FBXL17: variants seen among roughly 807,000 people sequenced by gnomAD.
FBXL17 encodes F-box/LRR-repeat protein 17.
In FBXL17, 22 loss-of-function variants were observed where a neutral mutation model predicts 66.2. The observed-to-expected ratio is 0.33, with a 90% CI of 0.24 to 0.47. The LOEUF is 0.47. Among genes scored for constraint, FBXL17 ranks in the 20% least tolerant of loss-of-function variants. The pLI is 1.00. For missense variants in FBXL17, 878 were observed against 948.2 expected, an observed-to-expected ratio of 0.93 and a Z score of 0.97; for synonymous variants, 474 against 400.5, an observed-to-expected ratio of 1.18 and a Z score of -2.19.
At position 108,022,744 on chromosome 5, in the gene FBXL17, T is replaced by C. The variant is rs544270208; in HGVS notation, c.1746-1743A>G. Among the ~76,000 whole-genome samples, 5 of 152,222 alleles carry C rather than the reference T, an allele frequency of 3.3e-5. No individual in the cohort carries two copies. In the South Asian group the frequency reaches 1.0e-3, roughly 32 times the overall value. On this transcript the variant is annotated intron_variant, in intron 6 of 8. Transcript: ENST00000542267. ...AATATGCTATAAGCACATATGAACATTAAAGACATACAGATGACTACAAAT... is the reference window on the plus strand; with the variant it reads ...AATATGCTATAAGCACATATGAACACTAAAGACATACAGATGACTACAAAT...
intron 6 of FBXL17, among the ~76,000 whole-genome samples, chr5:108,135,012 A>T (rs1751079924): frequency 6.6e-6 from 1 of 152,140 alleles, no homozygotes; most frequent in Non-Finnish European, 1.5e-5. Context: ...GTTATCCCTT[A>T]TGTTCCAAAG....
chr5:108,054,079 C>T (rs530738622), intron 6 of FBXL17, among the ~76,000 whole-genome samples: 5 of 151,946 alleles, frequency 3.3e-5, no homozygotes, highest in South Asian at 2.1e-4. Context: ...CATGGACACA[C>T]GGAGAAGAAC....
At chr5:107,980,444 G>A (rs1168055486) in intron 7 of FBXL17, among the ~76,000 whole-genome samples, 1 of 148,732 alleles carries the variant, frequency 6.7e-6, no homozygotes, top group Non-Finnish European at 1.5e-5. Flanking sequence ...CTGGGCTCAA[G>A]CAATCTTCCC....
At chr5:108,168,384 T>C (rs1752486874) in intron 6 of FBXL17, among the ~76,000 whole-genome samples, 1 of 152,198 alleles carries the variant, frequency 6.6e-6, no homozygotes. Context: ...AGCTTACAAA[T>C]GTGATTATCC....
chr5:108,381,628 T>G lies in FBXL17; in HGVS notation c.64A>C (p.Ser22Arg), dbSNP rs1749952380. The G allele has an allele frequency of 6.7e-7, 1 of 1,494,684 alleles. No individual in the cohort carries two copies. 92.6% of individuals were successfully genotyped at this position (1,494,684 alleles called of 1,614,324 possible). The change falls in exon 1 of 9, where the codon AGT becomes CGT. Residue 22 changes from serine to arginine, a missense_variant. This residue lies in a region of FBXL17 where 605 missense variants were observed against 509.5 expected (regional missense o/e 1.19). Transcript: ENST00000542267. Reference sequence around the variant, plus strand: ...AGAGGGCGCCGGCGGCGGCACCAACTGCAACAGCGAGGCCTCTTCTGGCTC... The same window carrying G: ...AGAGGGCGCCGGCGGCGGCACCAACGGCAACAGCGAGGCCTCTTCTGGCTC... The part of the protein sequence containing the change: ...RPSQKRPRCC[S>R]WCRRRRPLLR...
intron 8 of FBXL17, among the ~76,000 whole-genome samples, chr5:107,871,625 T>C (rs1215746360): frequency 1.3e-5 from 2 of 152,028 alleles, no homozygotes; most frequent in African/African-American, 2.4e-5. Context: ...CTCAAATCTA[T>C]GCATATGCAC....
At chr5:108,137,548 T>G (rs1751186013) in intron 6 of FBXL17, among the ~76,000 whole-genome samples, 1 of 152,124 alleles carries the variant, frequency 6.6e-6, no homozygotes, top group African/African-American at 2.4e-5. Context: ...TTGGAAAAGC[T>G]GCCATAGATG....
chr5:107,880,964 A>T (rs1176028637), intron 8 of FBXL17, 73 bp downstream of exon 8: 1 of 1,612,244 alleles, frequency 6.2e-7, no homozygotes, highest in Admixed American at 1.7e-5. Context: ...ATAGAGAAGG[A>T]GAGAGGATAT....
At chr5:107,994,825 G>T (rs754814968) in intron 7 of FBXL17, among the ~76,000 whole-genome samples, 1 of 152,168 alleles carries the variant, frequency 6.6e-6, no homozygotes, top group South Asian at 2.1e-4. Flanking sequence ...GAGAGAGAGA[G>T]TGAGGCTCCA....
At chr5:108,052,428 C>T (rs1043744816) in intron 6 of FBXL17, among the ~76,000 whole-genome samples, 12 of 151,938 alleles carry the variant, frequency 7.9e-5, no homozygotes, top group African/African-American at 1.4e-4. Context: ...AGTCAAATCA[C>T]GAATGAACTC....
At chr5:107,878,464 C>T in intron 8 of FBXL17, 4 of 632,634 alleles carry the variant, frequency 6.3e-6, no homozygotes, top group Non-Finnish European at 7.9e-6. Flanking sequence ...CTAGTATCAT[C>T]CTCATTTTGC....
chr5:108,268,944 CAATT>C (rs1197480373), intron 4 of FBXL17, among the ~76,000 whole-genome samples: 3 of 151,906 alleles, frequency 2.0e-5, no homozygotes, highest in Non-Finnish European at 2.9e-5. Context: ...CCCAAAGACT[CAATT>C]AGAGTTGAAT....
intron 6 of FBXL17, among the ~76,000 whole-genome samples, chr5:108,096,540 G>A (rs955008647): frequency 2.0e-5 from 3 of 152,196 alleles, no homozygotes; most frequent in African/African-American, 4.8e-5. Context: ...ACACAGAGAA[G>A]GAGAATATAG....
chr5:107,939,345 T>C (rs1033711052), intron 7 of FBXL17, among the ~76,000 whole-genome samples: 4 of 152,096 alleles, frequency 2.6e-5, no homozygotes, highest in African/African-American at 9.7e-5. Context: ...CTCGTGCTTC[T>C]GGGGCACGCA....
chr5:108,175,109 A>C (rs1230130184), intron 6 of FBXL17, among the ~76,000 whole-genome samples: 4 of 152,196 alleles, frequency 2.6e-5, no homozygotes, highest in Non-Finnish European at 5.9e-5. Flanking sequence ...GTTTCAGCCA[A>C]ATTTAAAAGA....
At chr5:108,352,581 G>T in intron 3 of FBXL17, among the ~76,000 whole-genome samples, 1 of 151,984 alleles carries the variant, frequency 6.6e-6, no homozygotes, top group East Asian at 1.9e-4. Context: ...TGTGATCTCG[G>T]CTCACTGCAA....
At chr5:108,145,018 C>G (rs1408806297) in intron 6 of FBXL17, among the ~76,000 whole-genome samples, 1 of 152,008 alleles carries the variant, frequency 6.6e-6, no homozygotes, top group Non-Finnish European at 1.5e-5. Context: ...CAATCAAAAC[C>G]TGCTAGAACC....
chr5:108,150,942 G>C (rs774326127), intron 6 of FBXL17, among the ~76,000 whole-genome samples: 15 of 152,062 alleles, frequency 9.9e-5, no homozygotes, highest in Non-Finnish European at 2.9e-5. Flanking sequence ...TTTCCACACG[G>C]TCATTTTATC....
chr5:108,240,977 T>C (rs942866040), intron 4 of FBXL17, among the ~76,000 whole-genome samples: 3 of 152,172 alleles, frequency 2.0e-5, no homozygotes, highest in Admixed American at 6.5e-5. Context: ...ACCAAGCCGG[T>C]ACACCTCTAT....
Sources: gnomAD v4.1 joint callset for allele counts (sites outside exome capture counted in the v4.1 genomes callset) on GRCh38, gnomAD v4.1.1 for gene constraint, gnomAD v4.1.1 regional missense constraint, MANE v1.5 for transcripts, NCBI Gene and HGNC (gene_info 2026-07-23, HGNC 2026-07-21) for gene names.